FKBP9: variants seen among roughly 807,000 people sequenced by gnomAD.
The protein encoded by FKBP9 is FKBP prolyl isomerase 9.
A neutral mutation model predicts 55.6 loss-of-function variants in FKBP9; 27 were observed. The observed-to-expected ratio is 0.49, with a 90% CI of 0.36 to 0.67. FKBP9 has a LOEUF of 0.67. Ranked by LOEUF, FKBP9 falls within the 30% of genes least tolerant of loss-of-function variation. The pLI, the probability that FKBP9 is intolerant of heterozygous loss-of-function variation, is 0.00. For synonymous variants in FKBP9, 267 were observed against 296.5 expected (o/e 0.90, Z 1.02); for missense variants, 539 against 742.8 (o/e 0.73, Z 3.19).
intron 7 of FKBP9, 69 bp from the exon 8 acceptor site, chr7:33,000,046 T>A: frequency 6.3e-7 from 1 of 1,577,972 alleles, no homozygotes; most frequent in Non-Finnish European, 8.7e-7. Flanking sequence ...TGATGTGTTC[T>A]TCTCATGGGA....
At chr7:32,983,301 G>A (rs1315906578) in intron 5 of FKBP9, among the ~76,000 whole-genome samples, 1 of 151,624 alleles carries the variant, frequency 6.6e-6, no homozygotes, top group Non-Finnish European at 1.5e-5. Context: ...TGAGATTATA[G>A]GTGTGAGCCA....
At position 32,957,706 on chromosome 7, in the gene FKBP9, G is replaced by A. The variant is rs760666488; in HGVS notation, c.133G>A (p.Asp45Asn). 5 of 1,542,996 alleles carry A rather than the reference G, an allele frequency of 3.2e-6. No homozygotes were observed. Among genetic ancestry groups the A allele is most frequent in the Non-Finnish European group, 4.3e-6 (5 of 1,153,886 alleles). ...GCAGATCGAGCGGCGCTTCGTGCCCGACGAGTGCCCGCGCACCGTGCGCAG... is the reference window on the plus strand; with the variant it reads ...GCAGATCGAGCGGCGCTTCGTGCCCAACGAGTGCCCGCGCACCGTGCGCAG... ...ELQIERRFVP[D>N]ECPRTVRSGD... is the part of the protein sequence containing the mutation. Residue 45 changes from aspartate (D) to asparagine (N), a missense_variant, in exon 1 of 10, where the codon GAC becomes AAC. Transcript: ENST00000242209.
At chr7:32,978,120 C>T (rs1440664842) in intron 4 of FKBP9, among the ~76,000 whole-genome samples, 1 of 151,522 alleles carries the variant, frequency 6.6e-6, no homozygotes, top group Non-Finnish European at 1.5e-5. Flanking sequence ...CAGCATTTCG[C>T]CATGTTGGCC....
At chr7:32,979,284 A>G (rs1316261875) in intron 4 of FKBP9, among the ~76,000 whole-genome samples, 3 of 152,090 alleles carry the variant, frequency 2.0e-5, no homozygotes, top group African/African-American at 7.3e-5. Flanking sequence ...AAAAAAAAAG[A>G]AAAGAAAAAT....
At chr7:32,972,763 G>T (rs1396536482) in intron 1 of FKBP9, among the ~76,000 whole-genome samples, 1 of 152,036 alleles carries the variant, frequency 6.6e-6, no homozygotes, top group African/African-American at 2.4e-5. Flanking sequence ...TGTCACCCAG[G>T]CTGGATGACA....
intron 5 of FKBP9, among the ~76,000 whole-genome samples, chr7:32,987,494 C>CA (rs1562570906): frequency 0.012 from 31 of 2,664 alleles, no homozygotes; most frequent in Middle Eastern, 0.25. Context: ...GACCCTGTCT[C>CA]CAAAAAAAAA....
At chr7:32,959,711 T>C (rs1783983704) in intron 1 of FKBP9, among the ~76,000 whole-genome samples, 1 of 152,230 alleles carries the variant, frequency 6.6e-6, no homozygotes, top group African/African-American at 2.4e-5. Context: ...TGGAATCATA[T>C]AATTTGAGGT....
chr7:32,991,000 G>C (rs2392181), intron 6 of FKBP9, among the ~76,000 whole-genome samples: 151,235 of 152,332 alleles, frequency 0.99, 75,081 homozygotes, highest in South Asian at 1. Context: ...ATTCGACAGG[G>C]CTTTCTTCAC....
chr7:32,985,458 G>A (rs1278642677), intron 5 of FKBP9, among the ~76,000 whole-genome samples: 2 of 151,712 alleles, frequency 1.3e-5, no homozygotes, highest in East Asian at 3.9e-4. Context: ...GGGATTACAG[G>A]TGTAACCCAC....
chr7:32,982,406 G>A (rs1784497075), intron 5 of FKBP9, among the ~76,000 whole-genome samples: 2 of 152,130 alleles, frequency 1.3e-5, no homozygotes, highest in Non-Finnish European at 2.9e-5. Flanking sequence ...TCAGAATATA[G>A]TATTACTAGG....
At chr7:32,995,750 C>T (rs1218156085) in intron 6 of FKBP9, among the ~76,000 whole-genome samples, 1 of 152,100 alleles carries the variant, frequency 6.6e-6, no homozygotes, top group Non-Finnish European at 1.5e-5. Context: ...AGTGATTTCA[C>T]TCTACGGCTG....
rs368860957 is a variant in FKBP9, at chr7:33,006,221, G to A, written c.*870G>A. On this transcript the variant is annotated 3_prime_UTR_variant, in exon 10 of 10. Transcript: ENST00000242209. The stretch of plus-strand genomic sequence containing the variant: ...CAGCCTCCGCCTCCCGTATTCAAGC[G>A]ATTCTCCTGTCTCAGCCTCCTGAGT... 11 of 190,608 alleles carry A rather than the reference G, an allele frequency of 5.8e-5. No homozygotes were observed. Among genetic ancestry groups the A allele is most frequent in the Non-Finnish European group, 7.6e-5 (7 of 92,264 alleles). 11.8% of individuals were successfully genotyped at this position (190,608 alleles called of 1,614,324 possible).
intron 5 of FKBP9, among the ~76,000 whole-genome samples, chr7:32,985,845 T>G (rs1583859620): frequency 6.6e-6 from 1 of 152,006 alleles, no homozygotes; most frequent in South Asian, 2.1e-4. Flanking sequence ...ATACAAAAAT[T>G]AGCTGAGTGT....
chr7:32,978,779 G>T (rs1784411162), intron 4 of FKBP9, among the ~76,000 whole-genome samples: 1 of 152,248 alleles, frequency 6.6e-6, no homozygotes, highest in Non-Finnish European at 1.5e-5. Context: ...AGCCTAATAT[G>T]AGAAATATTA....
chr7:33,004,208 A>C (rs1784986943), intron 9 of FKBP9, among the ~76,000 whole-genome samples: 1 of 151,626 alleles, frequency 6.6e-6, no homozygotes, highest in Non-Finnish European at 1.5e-5. Flanking sequence ...GGGGCCTGTC[A>C]TCTCTTTCCC....
intron 1 of FKBP9, among the ~76,000 whole-genome samples, chr7:32,965,806 A>T (rs1280347049): frequency 3.7e-5 from 1 of 26,928 alleles, no homozygotes; most frequent in African/African-American, 1.4e-4. Context: ...TCAAAAAAAA[A>T]AAAAAAATAT....
intron 1 of FKBP9, among the ~76,000 whole-genome samples, chr7:32,964,181 G>A (rs1253427544): frequency 2.0e-5 from 3 of 152,230 alleles, no homozygotes; most frequent in Non-Finnish European, 1.5e-5. Context: ...CTAACTAGGG[G>A]AAGATCCTAG....
chr7:32,975,379 C>T lies in FKBP9; in HGVS notation c.557+8C>T. 1 of 1,612,274 alleles carries T rather than the reference C, an allele frequency of 6.2e-7. No homozygotes were observed. The highest frequency in any genetic ancestry group is 8.5e-7 in the Non-Finnish European group (1 of 1,178,394). ...AACTCTGTTTGATTCGAGGTAAGTC[C>T]TGTCGTTCATGGCAGTATCAGTGAA... is the stretch of plus-strand genomic sequence containing the variant. On this transcript the variant is annotated splice_region_variant and intron_variant, in intron 3 of 9. Coordinates refer to ENST00000242209, the MANE Select transcript of FKBP9 (RefSeq NM_007270.5).
intron 1 of FKBP9, among the ~76,000 whole-genome samples, chr7:32,959,969 C>T (rs916635505): frequency 1.3e-5 from 2 of 152,120 alleles, no homozygotes; most frequent in African/African-American, 2.4e-5. Flanking sequence ...GGAATTGCTG[C>T]GTCCTATGGC....
Sources: allele counts gnomAD v4.1 joint callset (sites outside exome capture counted in the v4.1 genomes callset), GRCh38; gene constraint gnomAD v4.1.1; transcripts MANE v1.5; gene names NCBI Gene and HGNC (gene_info 2026-07-23, HGNC 2026-07-21).